CHRNA7: variants seen among roughly 807,000 people sequenced by gnomAD.
CHRNA7 encodes the protein cholinergic receptor nicotinic alpha 7 subunit, also known as neuronal acetylcholine receptor subunit alpha-7.
CHRNA7 carries 17 observed loss-of-function variants against 48.0 expected under a neutral mutation model. The observed-to-expected ratio is 0.35, with a 90% CI of 0.24 to 0.53. The LOEUF is 0.53. Ranked by LOEUF, CHRNA7 falls within the 20% of genes least tolerant of loss-of-function variation. CHRNA7 has a pLI of 0.92. For missense variants in CHRNA7, 155 were observed against 577.7 expected (o/e 0.27, Z 7.50); for synonymous variants, 75 against 242.3 (o/e 0.31, Z 6.41).
chr15:32,046,818 C>G (rs2049557610), intron 2 of CHRNA7, among the ~76,000 whole-genome samples: 1 of 151,914 alleles, frequency 6.6e-6, no homozygotes, highest in Non-Finnish European at 1.5e-5. Context: ...ACGTTTAAGT[C>G]TTTAATCCAT....
chr15:32,123,787 C>T lies in CHRNA7; in HGVS notation c.350+11888C>T, dbSNP rs997605412. On this transcript the variant is annotated intron_variant, in intron 4 of 9. Coordinates refer to ENST00000306901, the MANE Select transcript of CHRNA7 (RefSeq NM_000746.6). ...TCCGCTGTGCAGTATATAATCTCAC[C>T]TTTAGCTGTTTGAAGAGTTGCATTT... 5.3e-5 allele frequency among the ~76,000 whole-genome samples: 8 copies of T among 152,166 alleles called. No homozygotes were observed. The East Asian group carries it at 1.5e-3, about 29-fold the overall frequency.
At chr15:32,113,468 C>T (rs1017980044) in intron 4 of CHRNA7, among the ~76,000 whole-genome samples, 16 of 152,152 alleles carry the variant, frequency 1.1e-4, no homozygotes, top group African/African-American at 3.4e-4. Context: ...TTGTATCTGA[C>T]TTTTTGAGGG....
intron 2 of CHRNA7, among the ~76,000 whole-genome samples, chr15:32,088,599 G>A (rs2050335724): frequency 2.6e-5 from 4 of 152,150 alleles, no homozygotes; most frequent in South Asian, 2.1e-4. Flanking sequence ...AATTGGTAAT[G>A]TGAACTTTTC....
intron 4 of CHRNA7, among the ~76,000 whole-genome samples, chr15:32,116,360 TG>T (rs2050871814): frequency 6.6e-6 from 1 of 152,190 alleles, no homozygotes; most frequent in African/African-American, 2.4e-5. Flanking sequence ...CTGCATCATT[TG>T]TGGAATGGGC....
At chr15:32,087,028 A>T (rs1029342772) in intron 2 of CHRNA7, among the ~76,000 whole-genome samples, 8 of 152,144 alleles carry the variant, frequency 5.3e-5, no homozygotes, top group African/African-American at 1.9e-4. Flanking sequence ...ACAGCCCAGG[A>T]AGTCACTATG....
intron 2 of CHRNA7, among the ~76,000 whole-genome samples, chr15:32,032,190 A>G (rs1456160788): frequency 6.6e-6 from 1 of 152,260 alleles, no homozygotes; most frequent in Non-Finnish European, 1.5e-5. Context: ...TACAGACAGA[A>G]TCATGCTTTA....
At chr15:32,032,657 C>T (rs143518242) in intron 2 of CHRNA7, among the ~76,000 whole-genome samples, 1 of 152,168 alleles carries the variant, frequency 6.6e-6, no homozygotes, top group African/African-American at 2.4e-5. Context: ...AGGGTCAACT[C>T]CAGCCAGGCT....
chr15:32,046,619 T>G (rs1369206221), intron 2 of CHRNA7, among the ~76,000 whole-genome samples: 1 of 152,186 alleles, frequency 6.6e-6, no homozygotes, highest in Non-Finnish European at 1.5e-5. Flanking sequence ...TTTTGTGGGT[T>G]GCCTGTTCAC....
chr15:32,080,310 T>C (rs2050196622), intron 2 of CHRNA7, among the ~76,000 whole-genome samples: 1 of 152,106 alleles, frequency 6.6e-6, no homozygotes, highest in African/African-American at 2.4e-5. Context: ...GGGATCTAAC[T>C]AAAGAGCTTC....
At chr15:32,151,631 C>T (rs1393930513) in intron 4 of CHRNA7, among the ~76,000 whole-genome samples, 1 of 152,168 alleles carries the variant, frequency 6.6e-6, no homozygotes, top group Non-Finnish European at 1.5e-5. Context: ...TCTGTGATTT[C>T]TATCAGCCAA....
At chr15:32,090,278 G>T (rs146931883) in intron 2 of CHRNA7, among the ~76,000 whole-genome samples, 1 of 152,212 alleles carries the variant, frequency 6.6e-6, no homozygotes, top group Non-Finnish European at 1.5e-5. Context: ...GAAGGCTCTG[G>T]GTGACCTGTT....
chr15:32,111,883 A>G lies in CHRNA7; in HGVS notation c.334A>G (p.Ile112Val), dbSNP rs140842241. ...FPDGQIWKPD[I>V]LLYNSADERF... is the part of the protein sequence containing the mutation. ...AGATGGCCAGATTTGGAAACCAGAC[A>G]TTCTTCTCTATAACAGGTAAGCATA... Residue 112 changes from isoleucine (I) to valine (V), a missense_variant, in exon 4 of 10, where the codon ATT (isoleucine) becomes GTT (valine). Physicochemically the swap from Ile to Val is conservative, Grantham distance 29 (BLOSUM62 3). Coordinates refer to ENST00000306901, the MANE Select transcript of CHRNA7 (RefSeq NM_000746.6). 312 of 1,604,502 alleles carry G rather than the reference A, an allele frequency of 1.9e-4. No individual in the cohort carries two copies. The African/African-American group carries it at 3.7e-3, about 19-fold the overall frequency.
chr15:32,136,201 CAA>C lies in CHRNA7; in HGVS notation c.351-17704_351-17703del, dbSNP rs1472299964. On this transcript the variant is annotated intron_variant, in intron 4 of 9. Transcript: ENST00000306901. Reference sequence around the variant, plus strand: ...ATGATGAATTTGAGAGTATTAAAAACAAAGTGGGACAGGGCGCAGGGGCTCAT... The same window carrying C: ...ATGATGAATTTGAGAGTATTAAAAACAGTGGGACAGGGCGCAGGGGCTCAT... Among the ~76,000 whole-genome samples, 5 of 152,182 alleles carry C rather than the reference CAA, an allele frequency of 3.3e-5. No homozygotes were observed. In the East Asian group the frequency reaches 7.7e-4, roughly 23 times the overall value.
intron 3 of CHRNA7, among the ~76,000 whole-genome samples, chr15:32,106,916 T>A (rs550206575): frequency 6.6e-6 from 1 of 152,326 alleles, no homozygotes; most frequent in South Asian, 2.1e-4. Flanking sequence ...ACTTGATCTC[T>A]GACACATGGA....
intron 2 of CHRNA7, among the ~76,000 whole-genome samples, chr15:32,049,322 G>T (rs1013542779): frequency 5.9e-5 from 9 of 151,956 alleles, no homozygotes; most frequent in South Asian, 2.1e-4. Flanking sequence ...TTATGAATCT[G>T]GGTGCTCCTG....
At position 32,169,129 on chromosome 15, in the gene CHRNA7, G is replaced by T. The variant is rs1385685919; in HGVS notation, c.*671G>T. ...ACCTACCCTGTCAAGGAGATCAAAG[G>T]GACGCAGGTTTCTGTTTATTCTGAA... On this transcript the variant is annotated 3_prime_UTR_variant, in exon 10 of 10. Coordinates refer to ENST00000306901, the MANE Select transcript of CHRNA7 (RefSeq NM_000746.6). 2 of 135,308 alleles carry T rather than the reference G, an allele frequency of 1.5e-5. No individual in the cohort carries two copies. The highest frequency in any genetic ancestry group is 3.3e-5 in the Non-Finnish European group (2 of 61,244). The allele number at this position is 135,308 out of a possible 1,614,324, so 8.4% of individuals were successfully genotyped here.
intron 4 of CHRNA7, 93 bp downstream of exon 4, chr15:32,111,992 T>C (rs2050769831): frequency 2.3e-6 from 2 of 852,608 alleles, no homozygotes; most frequent in Non-Finnish European, 4.0e-6. Flanking sequence ...ATGCTGGATA[T>C]GTTATCTATG....
intron 4 of CHRNA7, among the ~76,000 whole-genome samples, chr15:32,121,386 T>C (rs2050967675): frequency 6.6e-6 from 1 of 152,232 alleles, no homozygotes; most frequent in African/African-American, 2.4e-5. Flanking sequence ...TGTCCTTCAG[T>C]GAAGTCATCT....
At chr15:32,108,594 C>G (rs1212453324) in intron 3 of CHRNA7, among the ~76,000 whole-genome samples, 2 of 152,118 alleles carry the variant, frequency 1.3e-5, no homozygotes, top group East Asian at 1.9e-4. Context: ...CTGGTGGGGC[C>G]CCCGGGCTCA....
Sources: gnomAD v4.1 joint callset for allele counts (sites outside exome capture counted in the v4.1 genomes callset) on GRCh38, gnomAD v4.1.1 for gene constraint, MANE v1.5 for transcripts, NCBI Gene and HGNC (gene_info 2026-07-23, HGNC 2026-07-21) for gene names.